DLGAP2: variants seen among roughly 807,000 people sequenced by gnomAD.
DLGAP2 encodes DLG associated protein 2.
DLGAP2 carries 26 observed loss-of-function variants against 100.3 expected under a neutral mutation model. The observed-to-expected ratio is 0.26, with a 90% confidence interval of 0.19 to 0.36. The LOEUF is 0.36. DLGAP2 is among the 10% of genes least tolerant of loss of function. The pLI is 1.00. For missense variants in DLGAP2, 1,858 were observed against 1,453.2 expected, an observed-to-expected ratio of 1.28 and a Z score of -4.53; for synonymous variants, 886 against 630.1, an observed-to-expected ratio of 1.41 and a Z score of -6.08.
chr8:1,167,258 TG>T (rs879873820), intron 2 of DLGAP2, among the ~76,000 whole-genome samples: 11 of 152,158 alleles, frequency 7.2e-5, no homozygotes, highest in Non-Finnish European at 1.5e-4. Flanking sequence ...TCTGACTCCA[TG>T]AAATTTATCA....
chr8:1,137,240 A>G (rs1391844107), intron 2 of DLGAP2: 1 of 152,382 alleles, frequency 6.6e-6, no homozygotes, highest in Non-Finnish European at 1.5e-5. Flanking sequence ...CAAAGACACC[A>G]GTCCTATTGA....
At chr8:989,139 G>A (rs757175403) in intron 2 of DLGAP2, among the ~76,000 whole-genome samples, 2 of 152,104 alleles carry the variant, frequency 1.3e-5, no homozygotes, top group Non-Finnish European at 2.9e-5. Context: ...AGCCCTGCGC[G>A]GCACCACCTT....
At chr8:1,516,375 G>GTGAGTGACTGAGTGAA (rs1800382996) in intron 4 of DLGAP2, among the ~76,000 whole-genome samples, 2 of 151,976 alleles carry the variant, frequency 1.3e-5, no homozygotes. Context: ...GAATGAGTGA[G>GTGAGTGACTGAGTGAA]TGAGTGACTG....
intron 2 of DLGAP2, among the ~76,000 whole-genome samples, chr8:944,002 C>T (rs1799255817): frequency 6.6e-6 from 1 of 152,240 alleles, no homozygotes; most frequent in Non-Finnish European, 1.5e-5. Flanking sequence ...TTTGAGATTA[C>T]AAACATAACA....
chr8:1,473,866 C>T (rs548157008), intron 3 of DLGAP2, among the ~76,000 whole-genome samples: 2 of 152,276 alleles, frequency 1.3e-5, no homozygotes, highest in East Asian at 1.9e-4. Flanking sequence ...ACCTGCCTTT[C>T]ACCTTCCACC....
At chr8:911,225 C>G (rs1034734071) in intron 2 of DLGAP2, among the ~76,000 whole-genome samples, 1 of 152,136 alleles carries the variant, frequency 6.6e-6, no homozygotes, top group African/African-American at 2.4e-5. Context: ...ATGACATGGC[C>G]TAAGCGGTGC....
chr8:1,469,895 G>C (rs1403251824), intron 3 of DLGAP2, among the ~76,000 whole-genome samples: 1 of 151,890 alleles, frequency 6.6e-6, no homozygotes, highest in Non-Finnish European at 1.5e-5. Flanking sequence ...GGTGGTTTAT[G>C]CCTGTAATCC....
At chr8:1,383,263 A>G (rs1202833307) in intron 3 of DLGAP2, among the ~76,000 whole-genome samples, 1 of 152,228 alleles carries the variant, frequency 6.6e-6, no homozygotes, top group African/African-American at 2.4e-5. Context: ...ATCAAGTTCT[A>G]AGGTTTGGAG....
intron 4 of DLGAP2, among the ~76,000 whole-genome samples, chr8:1,502,924 A>C (rs964537850): frequency 6.6e-6 from 1 of 152,110 alleles, no homozygotes; most frequent in Non-Finnish European, 1.5e-5. Flanking sequence ...GCACAGTGAA[A>C]AGAACCTGGA....
At chr8:1,200,877 C>T (rs1797855926) in intron 2 of DLGAP2, among the ~76,000 whole-genome samples, 1 of 152,248 alleles carries the variant, frequency 6.6e-6, no homozygotes, top group Non-Finnish European at 1.5e-5. Context: ...GATGCGTCCG[C>T]TGCTGGCTCC....
At chr8:1,050,064 G>A (rs1357629601) in intron 2 of DLGAP2, among the ~76,000 whole-genome samples, 4 of 152,084 alleles carry the variant, frequency 2.6e-5, no homozygotes, top group South Asian at 2.1e-4. Context: ...ATGTACATAC[G>A]TGTACACACA....
intron 8 of DLGAP2, among the ~76,000 whole-genome samples, chr8:1,659,613 T>G (rs1798364496): frequency 6.6e-6 from 1 of 152,216 alleles, no homozygotes; most frequent in African/African-American, 2.4e-5. Flanking sequence ...TCTTTGTCTT[T>G]TTTTATCTTT....
chr8:1,342,972 G>A (rs1224445046), intron 3 of DLGAP2, among the ~76,000 whole-genome samples: 2 of 152,200 alleles, frequency 1.3e-5, no homozygotes, highest in Non-Finnish European at 2.9e-5. Context: ...GCACATGGTC[G>A]TGCATGGGTG....
intron 2 of DLGAP2, among the ~76,000 whole-genome samples, chr8:1,046,696 T>G (rs1802525588): frequency 6.6e-6 from 1 of 152,262 alleles, no homozygotes; most frequent in Non-Finnish European, 1.5e-5. Flanking sequence ...CATATGTAGC[T>G]GCTTTACAAA....
intron 2 of DLGAP2, among the ~76,000 whole-genome samples, chr8:1,091,020 C>T (rs941026555): frequency 1.3e-5 from 2 of 152,288 alleles, no homozygotes; most frequent in Admixed American, 6.5e-5. Context: ...GCTTGAGGGA[C>T]GTGGTGTTTG....
chr8:1,178,316 G>A (rs142574400), intron 2 of DLGAP2, among the ~76,000 whole-genome samples: 3 of 152,290 alleles, frequency 2.0e-5, no homozygotes, highest in East Asian at 1.9e-4. Context: ...CAAGACCTGC[G>A]CTTGGAGAGA....
At chr8:1,004,535 A>G (rs981807548) in intron 2 of DLGAP2, among the ~76,000 whole-genome samples, 1 of 152,166 alleles carries the variant, frequency 6.6e-6, no homozygotes, top group East Asian at 1.9e-4. Flanking sequence ...GTCATCTGGA[A>G]TCTCCCTTTG....
chr8:804,720 A>T (rs564767606), intron 1 of DLGAP2, among the ~76,000 whole-genome samples: 30 of 152,338 alleles, frequency 2.0e-4, no homozygotes, highest in African/African-American at 6.5e-4. Flanking sequence ...TAAGTCTTCC[A>T]GCAAGGGCAC....
intron 5 of DLGAP2, among the ~76,000 whole-genome samples, chr8:1,550,522 G>A (rs537678904): frequency 7.2e-5 from 11 of 152,202 alleles, no homozygotes; most frequent in East Asian, 5.8e-4. Context: ...CTGATGGACC[G>A]GCCTAATGGA....
Sources: allele counts gnomAD v4.1 joint callset (sites outside exome capture counted in the v4.1 genomes callset), GRCh38; gene constraint gnomAD v4.1.1; transcripts MANE v1.5; gene names NCBI Gene and HGNC (gene_info 2026-07-23, HGNC 2026-07-21).